The following CNTN3 variants were observed in gnomAD, a reference collection of about 807,000 sequenced individuals.
CNTN3 encodes contactin 3, also known as contactin-3.
A neutral mutation model predicts 119.1 loss-of-function variants in CNTN3; 60 were observed. That is an observed-to-expected ratio of 0.50 (90% CI 0.41 to 0.62). The LOEUF (loss-of-function observed/expected upper bound fraction) is 0.62, where lower values mean the gene tolerates loss of function less well. CNTN3 is among the 20% of genes least tolerant of loss of function. CNTN3 has a pLI of 0.00. For missense variants in CNTN3, 1,101 were observed against 1,242.4 expected (o/e 0.89, Z 1.71); for synonymous variants, 450 against 438.7 (o/e 1.03, Z -0.32).
chr3:74,267,174 T>A (rs1259439115), intron 21 of CNTN3, 92 bp downstream of exon 21: 2 of 718,222 alleles, frequency 2.8e-6, no homozygotes, highest in Admixed American at 4.5e-5. Flanking sequence ...AGAAACCATA[T>A]CAATATATAG....
intron 11 of CNTN3, among the ~76,000 whole-genome samples, chr3:74,343,341 A>T (rs945057804): frequency 4.6e-5 from 7 of 152,204 alleles, no homozygotes; most frequent in African/African-American, 1.4e-4. Context: ...GAAGGGGAAA[A>T]GTTGAGCTAG....
At chr3:74,339,549 T>C (rs780345579) in intron 11 of CNTN3, among the ~76,000 whole-genome samples, 1 of 152,148 alleles carries the variant, frequency 6.6e-6, no homozygotes, top group Non-Finnish European at 1.5e-5. Context: ...GCTTTCTTCA[T>C]AGCACCCATC....
intron 3 of CNTN3, among the ~76,000 whole-genome samples, chr3:74,495,823 C>T (rs1703052669): frequency 6.6e-6 from 1 of 152,050 alleles, no homozygotes; most frequent in African/African-American, 2.4e-5. Flanking sequence ...GCCCTTACAA[C>T]TTCTGTATCC....
chr3:74,419,707 C>A (rs1292301214), intron 5 of CNTN3, among the ~76,000 whole-genome samples: 2 of 152,174 alleles, frequency 1.3e-5, no homozygotes, highest in Non-Finnish European at 2.9e-5. Context: ...CAGACTCAAG[C>A]CTGTTTTCTA....
At chr3:74,367,795 T>C (rs1350765763) in intron 8 of CNTN3, among the ~76,000 whole-genome samples, 2 of 152,118 alleles carry the variant, frequency 1.3e-5, no homozygotes, top group Non-Finnish European at 2.9e-5. Flanking sequence ...GGGTTTCTGT[T>C]ATATAGAGCT....
chr3:74,358,592 T>TATTTA (rs1376744857), intron 11 of CNTN3, among the ~76,000 whole-genome samples: 2 of 128,082 alleles, frequency 1.6e-5, no homozygotes, highest in East Asian at 4.3e-4. Flanking sequence ...TTTTTTTTTT[T>TATTTA]TTTGATTTAT....
intron 4 of CNTN3, among the ~76,000 whole-genome samples, chr3:74,461,598 G>T (rs1283540992): frequency 6.6e-6 from 1 of 151,978 alleles, no homozygotes; most frequent in Non-Finnish European, 1.5e-5. Context: ...GTAGGTTCAT[G>T]CATTTGTTTC....
At chr3:74,553,139 CAT>C (rs750698272) in intron 1 of CNTN3, among the ~76,000 whole-genome samples, 97 of 150,334 alleles carry the variant, frequency 6.5e-4, no homozygotes, top group Middle Eastern at 6.8e-3. Flanking sequence ...CATGCATCCA[CAT>C]GTTCTCATTG....
intron 4 of CNTN3, among the ~76,000 whole-genome samples, chr3:74,438,878 C>T (rs1437113902): frequency 6.6e-6 from 1 of 152,078 alleles, no homozygotes; most frequent in African/African-American, 2.4e-5. Context: ...AATAAATTAG[C>T]ACATGCAATA....
At chr3:74,281,255 G>T (rs1702001959) in intron 20 of CNTN3, among the ~76,000 whole-genome samples, 1 of 152,186 alleles carries the variant, frequency 6.6e-6, no homozygotes, top group African/African-American at 2.4e-5. Context: ...CCATTGCCCT[G>T]ATCTACAGGA....
chr3:74,612,682 T>G (rs1705102330), intron 1 of CNTN3, among the ~76,000 whole-genome samples: 1 of 152,180 alleles, frequency 6.6e-6, no homozygotes, highest in South Asian at 2.1e-4. Context: ...TGTACAGCAA[T>G]TTGCTATATT....
At chr3:74,601,952 G>C (rs1575861202) in intron 1 of CNTN3, among the ~76,000 whole-genome samples, 1 of 151,982 alleles carries the variant, frequency 6.6e-6, no homozygotes, top group East Asian at 1.9e-4. Context: ...AGACAGTCCT[G>C]CAGATTGAGC....
At chr3:74,317,381 T>C (rs1702861352) in intron 13 of CNTN3, among the ~76,000 whole-genome samples, 1 of 151,984 alleles carries the variant, frequency 6.6e-6, no homozygotes, top group Non-Finnish European at 1.5e-5. Flanking sequence ...CCTGTCATTA[T>C]GATGTTAGCT....
chr3:74,422,230 C>G (rs987421792), intron 5 of CNTN3, among the ~76,000 whole-genome samples: 1 of 152,116 alleles, frequency 6.6e-6, no homozygotes, highest in Non-Finnish European at 1.5e-5. Context: ...CTTGGATCAA[C>G]GAGCATCACA....
chr3:74,266,096 G>T (rs997935641), intron 22 of CNTN3, among the ~76,000 whole-genome samples: 6 of 151,976 alleles, frequency 3.9e-5, no homozygotes, highest in East Asian at 1.9e-4. Context: ...TCTATTTAAA[G>T]AATTGATAAG....
chr3:74,417,820 T>A (rs1701549190), intron 5 of CNTN3, among the ~76,000 whole-genome samples: 1 of 152,338 alleles, frequency 6.6e-6, no homozygotes, highest in African/African-American at 2.4e-5. Flanking sequence ...CTGTTAATAT[T>A]CTGAACTCCT....
chr3:74,453,209 A>G (rs1367146644), intron 4 of CNTN3, among the ~76,000 whole-genome samples: 1 of 150,772 alleles, frequency 6.6e-6, no homozygotes, highest in Non-Finnish European at 1.5e-5. Flanking sequence ...TTATTGGTCT[A>G]TTCAGAGATT....
At chr3:74,288,538 T>G (rs544549217) in intron 19 of CNTN3, among the ~76,000 whole-genome samples, 1 of 152,108 alleles carries the variant, frequency 6.6e-6, no homozygotes, top group African/African-American at 2.4e-5. Context: ...GAAGAAGGCA[T>G]CAATGAAGTT....
intron 1 of CNTN3, among the ~76,000 whole-genome samples, chr3:74,535,695 CTT>C (rs1335650410): frequency 6.6e-6 from 1 of 152,074 alleles, no homozygotes; most frequent in East Asian, 1.9e-4. Context: ...ACTGTGAACT[CTT>C]TATTTCAGAA....
Sources: allele counts gnomAD v4.1 joint callset (sites outside exome capture counted in the v4.1 genomes callset), GRCh38; gene constraint gnomAD v4.1.1; transcripts MANE v1.5; gene names NCBI Gene and HGNC (gene_info 2026-07-23, HGNC 2026-07-21).